CFAP91: variants seen among roughly 807,000 people sequenced by gnomAD.
The protein encoded by CFAP91 is cilia and flagella associated protein 91, also known as cilia- and flagella-associated protein 91.
CFAP91 carries 85 observed loss-of-function variants against 95.9 expected under a neutral mutation model. That is an observed-to-expected ratio of 0.89 (90% CI 0.74 to 1.06). The LOEUF is 1.06. Among genes scored for constraint, CFAP91 ranks in the 50% least tolerant of loss-of-function variants. The pLI is 0.00. For missense variants in CFAP91, 962 were observed against 943.4 expected (o/e 1.02, Z -0.26); for synonymous variants, 335 against 327.5 (o/e 1.02, Z -0.25).
intron 6 of CFAP91, among the ~76,000 whole-genome samples, chr3:119,722,093 C>G (rs151029719): frequency 6.6e-6 from 1 of 150,922 alleles, no homozygotes; most frequent in East Asian, 1.9e-4. Context: ...TTGCTTGAGC[C>G]CAGGGGTTCA....
rs528858712 is a variant in CFAP91 at position 119,715,458 on chromosome 3, G to C, written c.501-104G>C. 17 of 943,986 alleles carry C rather than the reference G, an allele frequency of 1.8e-5. 1 individual carries two copies. In the South Asian group the frequency reaches 2.3e-4, roughly 13 times the overall value. The allele number at this position is 943,986 out of a possible 1,614,324, so 58.5% of individuals were successfully genotyped here. ...TTTGTACCTGTCAACATTTAAAAGA[G>C]GAATGGACTTGACAAAGCTTCGAAG... is the stretch of plus-strand genomic sequence containing the variant. On this transcript the variant is annotated intron_variant, in intron 5 of 17. Coordinates refer to ENST00000273390, the MANE Select transcript of CFAP91 (RefSeq NM_033364.4).
At chr3:119,727,039 G>T (rs1384395802) in intron 7 of CFAP91, among the ~76,000 whole-genome samples, 3 of 152,164 alleles carry the variant, frequency 2.0e-5, no homozygotes, top group Non-Finnish European at 4.4e-5. Context: ...TTGCTGATAT[G>T]TGGAAATGAT....
At chr3:119,735,995 G>A (rs1461502247) in intron 10 of CFAP91, among the ~76,000 whole-genome samples, 1 of 150,920 alleles carries the variant, frequency 6.6e-6, no homozygotes, top group African/African-American at 2.4e-5. Context: ...TTTCTTGCAG[G>A]GAATGTCTGC....
chr3:119,741,804 A>C (rs1222804994), intron 13 of CFAP91, among the ~76,000 whole-genome samples: 1 of 152,180 alleles, frequency 6.6e-6, no homozygotes, highest in Non-Finnish European at 1.5e-5. Context: ...AGCAGCCTGG[A>C]AATGACCACA....
chr3:119,763,095 T>A (rs1393057952), intron 17 of CFAP91, among the ~76,000 whole-genome samples: 3 of 152,018 alleles, frequency 2.0e-5, no homozygotes, highest in Non-Finnish European at 4.4e-5. Flanking sequence ...ATTCAAAATA[T>A]GTGAGGAACT....
Position 119,732,295 on chromosome 3 carries a change from A to T in CFAP91, c.1020A>T (p.Thr340=), listed in dbSNP as rs760486175. ...TCATGGAGGTATGTTTTATTTCAGC[A>T]ATCAGAAAACTTGTAGGAAAGAGAA... ...MAKIQRTHVS[T]IRKLVGKRKN... Residue 340 remains threonine (T), a splice_region_variant and synonymous_variant, in exon 9 of 18, where the codon ACA becomes ACT. Coordinates refer to ENST00000273390, the MANE Select transcript of CFAP91 (RefSeq NM_033364.4). 49 of 1,596,446 alleles carry T rather than the reference A, an allele frequency of 3.1e-5. No individual in the cohort carries two copies. The highest frequency in any genetic ancestry group is 4.1e-5 in the Non-Finnish European group (48 of 1,170,228).
rs1291488644 is a variant in CFAP91, at chr3:119,744,086, G to T, written c.1792G>T (p.Ala598Ser). The change falls in exon 14 of 18, where the codon GCC (alanine) becomes TCC (serine). Residue 598 changes from alanine to serine, a missense_variant. Ala to Ser is a moderately conservative substitution (Grantham distance 99). Coordinates refer to ENST00000273390, the MANE Select transcript of CFAP91 (RefSeq NM_033364.4). ...ACTGCAGGAGGAGAGGAGGATCCAT[G>T]CCTTTGTCATGCTGGCTGAGCGCCA... The part of the protein sequence containing the change: ...VRLQEERRIH[A>S]FVMLAERQRR... 5.6e-6 allele frequency: 9 copies of T among 1,614,114 alleles called. No homozygotes were observed. The East Asian group carries it at 2.0e-4, about 36-fold the overall frequency.
At chr3:119,721,347 A>G (rs751841476) in intron 6 of CFAP91, among the ~76,000 whole-genome samples, 1 of 152,274 alleles carries the variant, frequency 6.6e-6, no homozygotes, top group Admixed American at 6.5e-5. Flanking sequence ...CTTAATAAGG[A>G]ATATCTACCA....
In CFAP91 at chr3:119,726,250, C is replaced by T; in HGVS notation, c.762C>T (p.Leu254=). The T allele has an allele frequency of 7.4e-6, 12 of 1,613,868 alleles. No homozygotes were observed. The highest frequency in any genetic ancestry group is 1.1e-5 in the South Asian group (1 of 91,020). The stretch of plus-strand genomic sequence containing the variant: ...AGAAGCGTGCTTGGGAAGCCTCTCT[C>T]CCCGCTCTGAGTGACACCTCCCAGT... ...AREKRAWEAS[L]PALSDTSQFE... The change falls in exon 7 of 18, where the codon CTC becomes CTT. Residue 254 remains leucine, a synonymous_variant. Coordinates refer to ENST00000273390, the MANE Select transcript of CFAP91 (RefSeq NM_033364.4).
In CFAP91 at chr3:119,706,805, G is replaced by A. The variant is rs77650681; in HGVS notation, c.125-4G>A. 6.2e-7 allele frequency: 1 copy of A among 1,610,280 alleles called. No individual in the cohort carries two copies. The highest frequency in any genetic ancestry group is 1.7e-5 in the Admixed American group (1 of 59,956). ...GTTATGCTACTTGATTGTTTATTTT[G>A]CAGATCCATTGTTTATTGTGTCAAG... is the stretch of plus-strand genomic sequence containing the variant. On this transcript the variant is annotated splice_polypyrimidine_tract_variant and splice_region_variant and intron_variant, in intron 1 of 17. Transcript: ENST00000273390.
At chr3:119,748,275 G>A (rs1334078293) in intron 16 of CFAP91, among the ~76,000 whole-genome samples, 3 of 152,104 alleles carry the variant, frequency 2.0e-5, no homozygotes, top group South Asian at 4.2e-4. Flanking sequence ...CACGTGAACC[G>A]TGAATGTTAA....
At chr3:119,748,404 G>T (rs2054264584) in intron 16 of CFAP91, among the ~76,000 whole-genome samples, 1 of 152,112 alleles carries the variant, frequency 6.6e-6, no homozygotes, top group African/African-American at 2.4e-5. Flanking sequence ...TTTGTCACCG[G>T]TGGCATGTTT....
intron 17 of CFAP91, among the ~76,000 whole-genome samples, chr3:119,764,451 A>C (rs954670346): frequency 6.6e-6 from 1 of 152,130 alleles, no homozygotes; most frequent in Non-Finnish European, 1.5e-5. Context: ...GTAAGCAGCT[A>C]TGGGCTTTAT....
At chr3:119,707,307 T>C (rs1404302267) in intron 2 of CFAP91, 97 bp from the exon 3 acceptor site, 1 of 934,546 alleles carries the variant, frequency 1.1e-6, no homozygotes, top group Non-Finnish European at 1.6e-6. Context: ...GTATACATTG[T>C]TTTGTATGTT....
chr3:119,730,600 TAG>T (rs919707541), intron 8 of CFAP91, among the ~76,000 whole-genome samples: 8 of 95,358 alleles, frequency 8.4e-5, no homozygotes, highest in African/African-American at 3.1e-4. Flanking sequence ...GTTACTGAGA[TAG>T]TGTGTGTGTG....
At chr3:119,713,499 A>G (rs569504620) in intron 5 of CFAP91, among the ~76,000 whole-genome samples, 72 of 152,070 alleles carry the variant, frequency 4.7e-4, no homozygotes, top group African/African-American at 1.3e-3. Context: ...CTGTTTTTCA[A>G]AATGGAAATA....
chr3:119,758,394 T>C (rs2054473464), intron 17 of CFAP91, among the ~76,000 whole-genome samples: 2 of 152,224 alleles, frequency 1.3e-5, no homozygotes, highest in African/African-American at 4.8e-5. Flanking sequence ...AATAATGTAT[T>C]TCCTATGCTA....
At chr3:119,736,675 A>G (rs1054338800) in intron 10 of CFAP91, among the ~76,000 whole-genome samples, 2 of 152,114 alleles carry the variant, frequency 1.3e-5, no homozygotes, top group Admixed American at 6.5e-5. Context: ...TTCACTTAGC[A>G]TAGTATTTTT....
intron 5 of CFAP91, 181 bp downstream of exon 5, chr3:119,710,076 A>T: frequency 1.7e-6 from 1 of 583,270 alleles, no homozygotes; most frequent in Non-Finnish European, 3.0e-6. Context: ...CAGAATAGAA[A>T]ATAACCAAAG....
Sources: allele counts gnomAD v4.1 joint callset (sites outside exome capture counted in the v4.1 genomes callset), GRCh38; gene constraint gnomAD v4.1.1; transcripts MANE v1.5; gene names NCBI Gene and HGNC (gene_info 2026-07-23, HGNC 2026-07-21).